The following SPON1 variants were observed in gnomAD, a reference collection of about 807,000 sequenced individuals.
The protein encoded by SPON1 is spondin 1, also known as spondin-1.
SPON1 carries 52 observed loss-of-function variants against 111.7 expected under a neutral mutation model. That is an observed-to-expected ratio of 0.47 (90% confidence interval 0.37 to 0.59). The LOEUF is 0.59. Among genes scored for constraint, SPON1 ranks in the 20% least tolerant of loss-of-function variants. SPON1 has a pLI of 0.00. For missense variants in SPON1, 957 were observed against 1,068.5 expected, an observed-to-expected ratio of 0.90 and a Z score of 1.46; for synonymous variants, 410 against 395.8, an observed-to-expected ratio of 1.04 and a Z score of -0.43.
At chr11:14,186,938 T>C (rs1848291768) in intron 6 of SPON1, among the ~76,000 whole-genome samples, 1 of 152,204 alleles carries the variant, frequency 6.6e-6, no homozygotes, top group East Asian at 1.9e-4. Context: ...TGTGTATTAT[T>C]AGTCCACTTT....
chr11:14,211,204 A>G (rs1163029646), intron 6 of SPON1, among the ~76,000 whole-genome samples: 2 of 152,236 alleles, frequency 1.3e-5, no homozygotes, highest in Non-Finnish European at 2.9e-5. Context: ...GTGTTTGCAG[A>G]TGACATGATT....
At chr11:13,990,507 G>A (rs537999214) in intron 2 of SPON1, among the ~76,000 whole-genome samples, 451 of 147,566 alleles carry the variant, frequency 3.1e-3, no homozygotes, top group Non-Finnish European at 5.0e-3. Flanking sequence ...CACACTGATG[G>A]GTCTTGACCA....
chr11:14,256,688 T>G lies in SPON1; in HGVS notation c.1305T>G (p.Asp435Glu), dbSNP rs1849112671. ...IVADLAPEEK[D>E]EDDTPETCIY... is the part of the protein sequence containing the mutation. Reference sequence around the variant, plus strand: ...CTGACCTGGCTCCAGAAGAGAAAGATGAAGGTACGTTGTTTTCTTTTGTTG... The same window carrying G: ...CTGACCTGGCTCCAGAAGAGAAAGAGGAAGGTACGTTGTTTTCTTTTGTTG... The change falls in exon 10 of 16, where the codon GAT becomes GAG. Residue 435 changes from aspartate to glutamate, a missense_variant. By Grantham distance (45) the Asp-to-Glu change is conservative (BLOSUM62 2). Transcript: ENST00000576479. 6.2e-7 allele frequency: 1 copy of G among 1,612,982 alleles called. No homozygotes were observed. Among genetic ancestry groups the G allele is most frequent in the Admixed American group, 1.7e-5 (1 of 59,930 alleles).
At chr11:14,160,782 T>TA (rs1169867175) in intron 6 of SPON1, among the ~76,000 whole-genome samples, 1 of 38,870 alleles carries the variant, frequency 2.6e-5, no homozygotes, top group African/African-American at 9.9e-5. Flanking sequence ...ATATATATTT[T>TA]TATATATATT....
intron 1 of SPON1, among the ~76,000 whole-genome samples, chr11:13,968,718 G>A (rs190768322): frequency 7.9e-5 from 12 of 152,232 alleles, no homozygotes; most frequent in African/African-American, 2.9e-4. Context: ...TATTCAGTCA[G>A]CATGCAGTGG....
chr11:14,151,827 C>T (rs11023114), intron 6 of SPON1, among the ~76,000 whole-genome samples: 2,183 of 152,302 alleles, frequency 0.014, 50 homozygotes, highest in African/African-American at 0.05. Flanking sequence ...TCTGCTGCCT[C>T]TTCAGATTCT....
rs1434581102 is a variant in SPON1, at chr11:14,228,182, A to G, written c.826-15150A>G. On this transcript the variant is annotated intron_variant, in intron 6 of 15. Coordinates refer to ENST00000576479, the MANE Select transcript of SPON1 (RefSeq NM_006108.4). The surrounding 1 kb of genome is among the most constrained non-coding windows in gnomAD (Gnocchi z 4.2). ...TAGCCTGGGTCCTTCCGAGTTTGGT[A>G]TGCATACACCAGGGCCCTTTGGGCT... Among the ~76,000 whole-genome samples, 3 of 152,204 alleles carry G rather than the reference A, an allele frequency of 2.0e-5. No homozygotes were observed. Among genetic ancestry groups the G allele is most frequent in the Admixed American group, 2.0e-4 (3 of 15,276 alleles).
intron 6 of SPON1, among the ~76,000 whole-genome samples, chr11:14,151,050 T>C (rs1364068062): frequency 6.6e-6 from 1 of 152,212 alleles, no homozygotes; most frequent in Admixed American, 6.5e-5. Context: ...ATGGAGTAGC[T>C]GTTCCAAGAG....
At chr11:14,121,301 AT>A (rs1449968671) in intron 5 of SPON1, among the ~76,000 whole-genome samples, 2 of 152,234 alleles carry the variant, frequency 1.3e-5, no homozygotes, top group Non-Finnish European at 2.9e-5. Context: ...ATATTACTGA[AT>A]TCAAAGCATA....
At chr11:14,182,231 C>T (rs58379085) in intron 6 of SPON1, among the ~76,000 whole-genome samples, 3,620 of 152,256 alleles carry the variant, frequency 0.024, 156 homozygotes, top group African/African-American at 0.081. Flanking sequence ...ATTCATTCAC[C>T]TCCAAGTCCA....
intron 6 of SPON1, among the ~76,000 whole-genome samples, chr11:14,141,665 T>A (rs1310541808): frequency 6.6e-6 from 1 of 152,220 alleles, no homozygotes; most frequent in Non-Finnish European, 1.5e-5. Flanking sequence ...TTGAAACAGT[T>A]TATATGGCTC....
chr11:14,226,631 A>G (rs1315319620), intron 6 of SPON1, among the ~76,000 whole-genome samples: 1 of 152,242 alleles, frequency 6.6e-6, no homozygotes, highest in Non-Finnish European at 1.5e-5. Flanking sequence ...ATCTTAAGTC[A>G]GGGACTGTCT....
intron 2 of SPON1, among the ~76,000 whole-genome samples, chr11:14,008,860 A>G (rs1418686874): frequency 6.6e-6 from 1 of 152,202 alleles, no homozygotes; most frequent in African/African-American, 2.4e-5. Context: ...AGAACAATTT[A>G]AAAACCTTAC....
intron 7 of SPON1, among the ~76,000 whole-genome samples, chr11:14,249,162 G>A (rs1849025584): frequency 1.3e-5 from 2 of 152,144 alleles, no homozygotes; most frequent in African/African-American, 4.8e-5. Context: ...CACTCTGCCG[G>A]ATTAACATTG....
intron 6 of SPON1, among the ~76,000 whole-genome samples, chr11:14,199,600 A>G (rs1348033018): frequency 6.6e-6 from 1 of 152,154 alleles, no homozygotes; most frequent in Non-Finnish European, 1.5e-5. Context: ...CCATACTATA[A>G]CTAGAAAGGG....
intron 5 of SPON1, among the ~76,000 whole-genome samples, chr11:14,095,303 A>T (rs570157652): frequency 1.0e-3 from 159 of 152,230 alleles, no homozygotes; most frequent in African/African-American, 3.8e-3. Context: ...TACCATATGG[A>T]CCATAGCCCT....
At chr11:14,043,677 C>A (rs1848648096) in intron 3 of SPON1, among the ~76,000 whole-genome samples, 1 of 152,196 alleles carries the variant, frequency 6.6e-6, no homozygotes, top group South Asian at 2.1e-4. Context: ...CCTTCCTGCT[C>A]TAAAAGCTCT....
intron 2 of SPON1, among the ~76,000 whole-genome samples, chr11:14,032,504 A>G (rs1397779493): frequency 6.6e-6 from 1 of 152,138 alleles, no homozygotes. Flanking sequence ...CACAAGGGGA[A>G]CCACAACATA....
In SPON1 at chr11:14,259,430, G is replaced by C. The variant is rs781958705; in HGVS notation, c.1643G>C (p.Cys548Ser). Residue 548 changes from cysteine (C) to serine (S), a missense_variant, in exon 12 of 16, where the codon TGC becomes TCC. By Grantham distance (112) the Cys-to-Ser change is moderately radical. This residue lies in a region of SPON1 where 549 missense variants were observed against 606.2 expected (regional missense o/e 0.91). Transcript: ENST00000576479. This position sits in a 1 kb window ranked among gnomAD's most constrained non-coding sequence, Gnocchi z 5.0. ...CTGCCCACTGAGGAAACGGAGAAGT[G>C]CACGGTCAACGAGGAGTGCTGTGAG... ...CTLPTEETEK[C>S]TVNEECSPSS... The C allele has an allele frequency of 1.2e-6, 2 of 1,609,988 alleles. No homozygotes were observed. The highest frequency in any genetic ancestry group is 1.7e-6 in the Non-Finnish European group (2 of 1,178,460).
Sources: gnomAD v4.1 joint callset for allele counts (sites outside exome capture counted in the v4.1 genomes callset) on GRCh38, gnomAD v4.1.1 for gene constraint, gnomAD v4.1.1 regional missense constraint, Gnocchi (gnomAD v3.1) non-coding constraint, MANE v1.5 for transcripts, NCBI Gene and HGNC (gene_info 2026-07-23, HGNC 2026-07-21) for gene names.